BNIP2: variants seen among roughly 807,000 people sequenced by gnomAD.
BNIP2 encodes the protein BCL2/adenovirus E1B 19 kDa protein-interacting protein 2.
A neutral mutation model predicts 43.4 loss-of-function variants in BNIP2; 36 were observed. The ratio of observed to expected loss-of-function variants is 0.83; its 90% confidence interval spans 0.64 to 1.10. BNIP2 has a LOEUF of 1.10. Ranked by LOEUF, BNIP2 falls within the 50% of genes least tolerant of loss-of-function variation. The pLI, the probability that BNIP2 is intolerant of heterozygous loss-of-function variation, is 0.00. For synonymous variants in BNIP2, 146 were observed against 121.0 expected (o/e 1.21, Z -1.35); for missense variants, 417 against 374.1 (o/e 1.11, Z -0.95).
chr15:59,688,883 G>T, intron 1 of BNIP2: 1 of 1,474,536 alleles, frequency 6.8e-7, no homozygotes, highest in Non-Finnish European at 8.9e-7. Context: ...TACCAGAAAC[G>T]GAAAAGCGAC....
In BNIP2 at chr15:59,662,198, A is replaced by G. The variant is rs1020664732; in HGVS notation, c.*1871T>C. ...CTATTAAAAACCTCAGCCCATTTTGAGCAAGATAAAGATGTACAGATGAAA... is the reference window on the plus strand; with the variant it reads ...CTATTAAAAACCTCAGCCCATTTTGGGCAAGATAAAGATGTACAGATGAAA... On this transcript the variant is annotated 3_prime_UTR_variant, in exon 10 of 10. Coordinates refer to ENST00000607373, the MANE Select transcript of BNIP2 (RefSeq NM_004330.4). 2.0e-5 allele frequency: 3 copies of G among 152,244 alleles called. No homozygotes were observed. The highest frequency in any genetic ancestry group is 2.0e-4 in the Admixed American group (3 of 15,280). 9.4% of individuals were successfully genotyped at this position (152,244 alleles called of 1,614,324 possible). A position where few individuals can be genotyped will look rare whatever the true frequency, so the allele number is the denominator to read the frequency against.
In BNIP2 at chr15:59,677,095, T is replaced by C. The variant is rs943568858; in HGVS notation, c.472+816A>G. Reference sequence around the variant, plus strand: ...TCAGGCTAAGAAAGCACTACCTTCATAGAAATGGGCAAGGTCAAGGATATT... The same window carrying C: ...TCAGGCTAAGAAAGCACTACCTTCACAGAAATGGGCAAGGTCAAGGATATT... On this transcript the variant is annotated intron_variant, in intron 5 of 9. Transcript: ENST00000607373. 3.5e-5 allele frequency: 56 copies of C among 1,609,418 alleles called. No individual in the cohort carries two copies. In the South Asian group the frequency reaches 5.9e-4, roughly 17 times the overall value.
chr15:59,682,370 T>C (rs751607789), intron 2 of BNIP2, 38 bp downstream of exon 2: 2 of 1,551,290 alleles, frequency 1.3e-6, no homozygotes, highest in African/African-American at 1.4e-5. Context: ...TTTTGAACTT[T>C]TGCTCTAAAA....
chr15:59,663,705 C>G lies in BNIP2; in HGVS notation c.*364G>C, dbSNP rs1403383413. The G allele has an allele frequency of 6.2e-6, 1 of 160,438 alleles. No individual in the cohort carries two copies. Among genetic ancestry groups the G allele is most frequent in the East Asian group, 1.8e-4 (1 of 5,646 alleles). The allele number at this position is 160,438 out of a possible 1,614,324, so 9.9% of individuals were successfully genotyped here. A position where few individuals can be genotyped will look rare whatever the true frequency, so the allele number is the denominator to read the frequency against. ...CACATTAAAAAATATTGCTCAATGA[C>G]ATAAAAATATATATTATTTCTTTCC... On this transcript the variant is annotated 3_prime_UTR_variant, in exon 10 of 10. Transcript: ENST00000607373.
chr15:59,672,014 T>C (rs1892962212), intron 6 of BNIP2, among the ~76,000 whole-genome samples: 1 of 152,294 alleles, frequency 6.6e-6, no homozygotes, highest in African/African-American at 2.4e-5. Flanking sequence ...AGGTCAAGGC[T>C]GCAGGGAGCC....
intron 4 of BNIP2, chr15:59,678,384 G>A (rs1893446016): frequency 9.0e-7 from 1 of 1,109,746 alleles, no homozygotes; most frequent in Non-Finnish European, 1.1e-6. Flanking sequence ...CAAAATCTTA[G>A]TACACTGGCC....
Position 59,663,715 on chromosome 15 carries a change from T to C in BNIP2, c.*354A>G, listed in dbSNP as rs1165217315. ...AATATTGCTCAATGACATAAAAATA[T>C]ATATTATTTCTTTCCTTTGCCATTT... On this transcript the variant is annotated 3_prime_UTR_variant, in exon 10 of 10. Coordinates refer to ENST00000607373, the MANE Select transcript of BNIP2 (RefSeq NM_004330.4). 1.8e-5 allele frequency: 3 copies of C among 164,110 alleles called. No individual in the cohort carries two copies. The highest frequency in any genetic ancestry group is 7.1e-5 in the African/African-American group (3 of 41,974). The allele number at this position is 164,110 out of a possible 1,614,324, so 10.2% of individuals were successfully genotyped here.
intron 2 of BNIP2, 56 bp downstream of exon 2, chr15:59,682,352 T>C: frequency 8.7e-6 from 13 of 1,495,432 alleles, no homozygotes; most frequent in Non-Finnish European, 1.2e-5. Flanking sequence ...AACATCTCGA[T>C]AAAGAAATTT....
chr15:59,671,983 G>C (rs1362766343), intron 6 of BNIP2, among the ~76,000 whole-genome samples: 1 of 152,194 alleles, frequency 6.6e-6, no homozygotes, highest in Non-Finnish European at 1.5e-5. Context: ...GGCTGAGGTA[G>C]GAGGATGGCT....
Position 59,682,465 on chromosome 15 carries a change from C to G in BNIP2, c.-8G>C. The G allele has an allele frequency of 6.2e-7, 1 of 1,613,790 alleles. No individual in the cohort carries two copies. Among genetic ancestry groups the G allele is most frequent in the South Asian group, 1.1e-5 (1 of 91,058 alleles). On this transcript the variant is annotated 5_prime_UTR_variant, in exon 2 of 10. Transcript: ENST00000607373. ...AAGTTCCACACCTTCCATCCTCAGC[C>G]TGGATTCAATGTCAACTACAAACTC...
chr15:59,677,161 A>G, intron 5 of BNIP2: 1 of 1,590,070 alleles, frequency 6.3e-7, no homozygotes, highest in Admixed American at 1.7e-5. Context: ...GTGATTTACT[A>G]CCTCTGCATC....
chr15:59,668,522 A>G (rs1253166426), intron 9 of BNIP2, among the ~76,000 whole-genome samples: 1 of 152,240 alleles, frequency 6.6e-6, no homozygotes, highest in East Asian at 1.9e-4. Flanking sequence ...TTATTCAATA[A>G]TAATATTGAT....
intron 1 of BNIP2, chr15:59,688,883 G>C: frequency 6.8e-7 from 1 of 1,474,536 alleles, no homozygotes; most frequent in Non-Finnish European, 8.9e-7. Context: ...TACCAGAAAC[G>C]GAAAAGCGAC....
intron 4 of BNIP2, chr15:59,678,308 C>G (rs1384298498): frequency 7.8e-7 from 1 of 1,278,568 alleles, no homozygotes; most frequent in East Asian, 3.6e-5. Flanking sequence ...CCCAATTTAG[C>G]AAAAACCACC....
intron 5 of BNIP2, among the ~76,000 whole-genome samples, chr15:59,673,368 C>T (rs1443383620): frequency 6.6e-6 from 1 of 152,052 alleles, no homozygotes; most frequent in African/African-American, 2.4e-5. Flanking sequence ...CCTGCCTCAG[C>T]CTCCCACAGT....
At position 59,676,712 on chromosome 15, in the gene BNIP2, G is replaced by C. The variant is rs1029516113; in HGVS notation, c.472+1199C>G. On this transcript the variant is annotated intron_variant, in intron 5 of 9. Coordinates refer to ENST00000607373, the MANE Select transcript of BNIP2 (RefSeq NM_004330.4). ...GAAACGGCTAGGGCAGGCGAGCGCA[G>C]TGGAGTGCCGCGCGGTGCGGTGCGG... 36 of 906,614 alleles carry C rather than the reference G, an allele frequency of 4.0e-5. No individual in the cohort carries two copies. In the African/African-American group the frequency reaches 4.8e-4, roughly 12 times the overall value. 56.2% of individuals were successfully genotyped at this position (906,614 alleles called of 1,614,324 possible). A position where few individuals can be genotyped will look rare whatever the true frequency, so the allele number is the denominator to read the frequency against.
At chr15:59,676,729 G>T in intron 5 of BNIP2, 1 of 1,163,426 alleles carries the variant, frequency 8.6e-7, no homozygotes. Context: ...GCCGCGCGGT[G>T]CGGTGCGGGC....
At chr15:59,675,867 T>C (rs940777164) in intron 5 of BNIP2, among the ~76,000 whole-genome samples, 5 of 152,100 alleles carry the variant, frequency 3.3e-5, no homozygotes, top group East Asian at 1.9e-4. Flanking sequence ...AAAGAGTGCA[T>C]AGGATGATTT....
Position 59,669,371 on chromosome 15 carries a change from T to A in BNIP2, c.708-9A>T, listed in dbSNP as rs1301436448. 8 of 1,390,724 alleles carry A rather than the reference T, an allele frequency of 5.8e-6. No individual in the cohort carries two copies. Among genetic ancestry groups the A allele is most frequent in the South Asian group, 3.1e-5 (2 of 64,898 alleles). The allele number at this position is 1,390,724 out of a possible 1,614,324, so 86.1% of individuals were successfully genotyped here. A position where few individuals can be genotyped will look rare whatever the true frequency, so the allele number is the denominator to read the frequency against. On this transcript the variant is annotated splice_polypyrimidine_tract_variant and intron_variant, in intron 7 of 9. Transcript: ENST00000607373. ...TTAGATTTTTCCGTAACCTGGAGTTTAAAAAAAAAACACACACACACAAAG... is the reference window on the plus strand; with the variant it reads ...TTAGATTTTTCCGTAACCTGGAGTTAAAAAAAAAAACACACACACACAAAG...
Sources: allele counts gnomAD v4.1 joint callset (sites outside exome capture counted in the v4.1 genomes callset), GRCh38; gene constraint gnomAD v4.1.1; transcripts MANE v1.5; gene names NCBI Gene and HGNC (gene_info 2026-07-23, HGNC 2026-07-21).